The following PRIM2 variants were observed in gnomAD, a reference collection of about 807,000 sequenced individuals.
PRIM2 encodes the protein DNA primase subunit 2, also known as DNA primase large subunit.
In PRIM2, 39 loss-of-function variants were observed where a neutral mutation model predicts 67.3. The ratio of observed to expected loss-of-function variants is 0.58; its 90% CI spans 0.45 to 0.76. The LOEUF is 0.76. PRIM2 is among the 30% of genes least tolerant of loss of function. The pLI is 0.00. For missense variants in PRIM2, 398 were observed against 598.7 expected, an observed-to-expected ratio of 0.66 and a Z score of 3.50; for synonymous variants, 143 against 198.7, an observed-to-expected ratio of 0.72 and a Z score of 2.36.
chr6:57,279,770 G>A, the PRIM2 span, among the ~76,000 whole-genome samples: 1 of 152,230 alleles, frequency 6.6e-6, no homozygotes, highest in South Asian at 2.1e-4. Flanking sequence ...AAGTGGGTGA[G>A]ACAGATTAAT....
At chr6:57,523,175 G>A (rs1288431112) in intron 8 of PRIM2, among the ~76,000 whole-genome samples, 1 of 152,326 alleles carries the variant, frequency 6.6e-6, no homozygotes, top group East Asian at 1.9e-4. Flanking sequence ...GAAAAATACT[G>A]TGATAAACAC....
At chr6:57,587,284 C>T (rs1392270133) in intron 10 of PRIM2, among the ~76,000 whole-genome samples, 1 of 152,116 alleles carries the variant, frequency 6.6e-6, no homozygotes, top group Admixed American at 6.5e-5. Flanking sequence ...CTTAGTAAAT[C>T]GTTGGGGCAT....
chr6:57,542,438 T>C (rs1249635784), intron 10 of PRIM2, among the ~76,000 whole-genome samples: 2 of 152,234 alleles, frequency 1.3e-5, no homozygotes, highest in South Asian at 2.1e-4. Flanking sequence ...AGTCTTTGGC[T>C]TGGACACTTG....
chr6:57,448,479 G>A (rs559384887), intron 7 of PRIM2, among the ~76,000 whole-genome samples: 1 of 152,174 alleles, frequency 6.6e-6, no homozygotes, highest in African/African-American at 2.4e-5. Flanking sequence ...GGGAAGCACA[G>A]TCTCAAGAGG....
the PRIM2 span, among the ~76,000 whole-genome samples, chr6:57,280,692 T>C: frequency 6.6e-6 from 1 of 152,212 alleles, no homozygotes; most frequent in Admixed American, 6.5e-5. Flanking sequence ...GTAGTTTTAG[T>C]AGAAACGGGG....
chr6:57,309,000 G>A, the PRIM2 span, among the ~76,000 whole-genome samples: 4 of 151,384 alleles, frequency 2.6e-5, no homozygotes, highest in African/African-American at 9.7e-5. Context: ...GATGTGGCAG[G>A]GTCATAGGAT....
At chr6:57,304,494 C>T in the PRIM2 span, among the ~76,000 whole-genome samples, 5 of 152,164 alleles carry the variant, frequency 3.3e-5, no homozygotes, top group African/African-American at 9.7e-5. Context: ...AAAACAGCTG[C>T]TCCTGCCATT....
intron 7 of PRIM2, among the ~76,000 whole-genome samples, chr6:57,419,682 A>C (rs1754809159): frequency 1.3e-5 from 2 of 152,088 alleles, no homozygotes. Flanking sequence ...ATAGGATTGG[A>C]GATGAGGGCA....
At chr6:57,464,143 A>G (rs1773105110) in intron 7 of PRIM2, among the ~76,000 whole-genome samples, 1 of 151,954 alleles carries the variant, frequency 6.6e-6, no homozygotes, top group Non-Finnish European at 1.5e-5. Flanking sequence ...TGTCCTTATT[A>G]TGCACACTCT....
intron 10 of PRIM2, among the ~76,000 whole-genome samples, chr6:57,583,284 C>T (rs1447608504): frequency 6.8e-6 from 1 of 146,898 alleles, no homozygotes; most frequent in Non-Finnish European, 1.5e-5. Context: ...CCCACTAACT[C>T]GTCATCTAGC....
intron 8 of PRIM2, among the ~76,000 whole-genome samples, chr6:57,519,737 G>A (rs1774572251): frequency 6.6e-6 from 1 of 152,182 alleles, no homozygotes; most frequent in Admixed American, 6.5e-5. Flanking sequence ...GTAAAGACAG[G>A]CATAGGAAAT....
rs1205968499 is a variant in PRIM2, at chr6:57,572,897, C to T, written c.1021-28196C>T. 7.8e-3 allele frequency among the ~76,000 whole-genome samples: 1,188 copies of T among 152,336 alleles called. 21 individuals are homozygous for T. The highest frequency in any genetic ancestry group is 0.027 in the African/African-American group (1,132 of 41,584). On this transcript the variant is annotated intron_variant, in intron 10 of 13. Transcript: ENST00000615550. Reference sequence around the variant, plus strand: ...GGGAAAGGGCTCTCATCTGCCACTACTTAAGTTTGAAAAGTAATGTTATGC... The same window carrying T: ...GGGAAAGGGCTCTCATCTGCCACTATTTAAGTTTGAAAAGTAATGTTATGC...
At chr6:57,278,276 G>A in the PRIM2 span, among the ~76,000 whole-genome samples, 8 of 151,990 alleles carry the variant, frequency 5.3e-5, no homozygotes, top group East Asian at 1.9e-4. Flanking sequence ...GCAGTGAGCC[G>A]AGATTGCACC....
At chr6:57,427,070 T>G (rs1771656649) in intron 7 of PRIM2, among the ~76,000 whole-genome samples, 2 of 152,328 alleles carry the variant, frequency 1.3e-5, no homozygotes, top group East Asian at 1.9e-4. Flanking sequence ...TCTCTTCTTT[T>G]TTAGAACTGA....
intron 5 of PRIM2, among the ~76,000 whole-genome samples, chr6:57,328,058 G>C (rs1767927056): frequency 6.6e-6 from 1 of 152,162 alleles, no homozygotes; most frequent in Non-Finnish European, 1.5e-5. Context: ...AGGTGGTAAT[G>C]CTCGCTCACT....
chr6:57,396,558 G>A (rs1467347970), intron 7 of PRIM2, among the ~76,000 whole-genome samples: 2 of 152,178 alleles, frequency 1.3e-5, no homozygotes, highest in East Asian at 1.9e-4. Flanking sequence ...TGTTAGGTGA[G>A]TCTCTTGAAG....
the PRIM2 span, among the ~76,000 whole-genome samples, chr6:57,287,884 T>G: frequency 6.6e-6 from 1 of 152,128 alleles, no homozygotes; most frequent in Non-Finnish European, 1.5e-5. Flanking sequence ...ATTTCTGCAT[T>G]TCCAACTGAA....
intron 7 of PRIM2, among the ~76,000 whole-genome samples, chr6:57,392,557 C>T (rs1458773884): frequency 5.3e-5 from 8 of 151,410 alleles, no homozygotes; most frequent in African/African-American, 1.7e-4. Context: ...TAAAAAGGAA[C>T]ATAGAACTGA....
intron 13 of PRIM2, among the ~76,000 whole-genome samples, chr6:57,634,037 A>C (rs1777078765): frequency 6.6e-6 from 1 of 152,246 alleles, no homozygotes; most frequent in Non-Finnish European, 1.5e-5. Flanking sequence ...TCTATGAATA[A>C]AACTTAGAGA....
Sources: gnomAD v4.1 joint callset for allele counts (sites outside exome capture counted in the v4.1 genomes callset) on GRCh38, gnomAD v4.1.1 for gene constraint, MANE v1.5 for transcripts, NCBI Gene and HGNC (gene_info 2026-07-23, HGNC 2026-07-21) for gene names.